Variants in DENND1A observed in about 807,000 individuals in gnomAD.
DENND1A encodes the protein DENN domain-containing protein 1A.
A neutral mutation model predicts 113.7 loss-of-function variants in DENND1A; 51 were observed. That is an observed-to-expected ratio of 0.45 (90% CI 0.36 to 0.57). The LOEUF (loss-of-function observed/expected upper bound fraction) is 0.57. DENND1A is among the 20% of genes least tolerant of loss of function. The probability of loss-of-function intolerance (pLI) is 0.00; values close to 1 mark genes in which losing one functional copy is unlikely to be tolerated. For synonymous variants in DENND1A, 565 were observed against 570.8 expected (o/e 0.99, Z 0.14); for missense variants, 1,258 against 1,395.9 (o/e 0.90, Z 1.57).
rs2042243594 is a variant in DENND1A, at chr9:123,381,024, C to T, written c.*408G>A. On this transcript the variant is annotated 3_prime_UTR_variant, in exon 24 of 24. Coordinates refer to ENST00000394215, the MANE Select transcript of DENND1A (RefSeq NM_001352964.2). This position sits in a 1 kb window ranked among gnomAD's most constrained non-coding sequence, Gnocchi z 4.7. ...ACCTGTGTCCGAGGAGGTGGGCGTG[C>T]AGGGCCTGGCTGTGGAGGAGACAGG... 4.8e-6 allele frequency: 1 copy of T among 207,496 alleles called. No homozygotes were observed. The highest frequency in any genetic ancestry group is 9.7e-6 in the Non-Finnish European group (1 of 102,834). 12.9% of individuals were successfully genotyped at this position (207,496 alleles called of 1,614,324 possible). A position where few individuals can be genotyped will look rare whatever the true frequency, so the allele number is the denominator to read the frequency against.
rs548759979 is a variant in DENND1A at position 123,854,400 on chromosome 9, A to C, written c.88+24551T>G. On this transcript the variant is annotated intron_variant, in intron 2 of 23. Coordinates refer to ENST00000394215, the MANE Select transcript of DENND1A (RefSeq NM_001352964.2). ...GACCCAGAAAGCAAAGTAAAACAAA[A>C]AAATAAAAAATGAAGCTGGGCACGG... 3.3e-5 allele frequency among the ~76,000 whole-genome samples: 5 copies of C among 152,336 alleles called. 1 individual carries two copies. The South Asian group carries it at 1.0e-3, about 32-fold the overall frequency.
intron 18 of DENND1A, among the ~76,000 whole-genome samples, chr9:123,441,575 C>CT (rs1410381650): frequency 6.6e-6 from 1 of 152,194 alleles, no homozygotes; most frequent in Non-Finnish European, 1.5e-5. Context: ...GCTCCGGTGG[C>CT]TGAAGCTGGC....
At chr9:123,685,971 G>T (rs1465611895) in intron 5 of DENND1A, among the ~76,000 whole-genome samples, 1 of 150,738 alleles carries the variant, frequency 6.6e-6, no homozygotes, top group African/African-American at 2.4e-5. Flanking sequence ...AGCTTTCATA[G>T]CCTAGGAAAT....
intron 5 of DENND1A, among the ~76,000 whole-genome samples, chr9:123,752,747 C>T (rs564278472): frequency 6.6e-6 from 1 of 152,276 alleles, no homozygotes; most frequent in South Asian, 2.1e-4. Context: ...TTCTAGGTCA[C>T]TTTGTTTTAT....
intron 19 of DENND1A, among the ~76,000 whole-genome samples, chr9:123,415,474 G>A (rs1043130540): frequency 1.3e-5 from 2 of 152,172 alleles, no homozygotes; most frequent in African/African-American, 4.8e-5. Flanking sequence ...CTAATTATCA[G>A]GATGCCCTGC....
intron 10 of DENND1A, among the ~76,000 whole-genome samples, chr9:123,614,597 A>C (rs940880092): frequency 2.6e-5 from 4 of 152,188 alleles, no homozygotes; most frequent in African/African-American, 9.7e-5. Context: ...TGCTTAAAAA[A>C]AAAAAAAATA....
Position 123,774,234 on chromosome 9 carries a change from G to A in DENND1A, c.133-4671C>T, listed in dbSNP as rs1440889132. Among the ~76,000 whole-genome samples the A allele has an allele frequency of 3.3e-5, 5 of 152,112 alleles. No homozygotes were observed. In the East Asian group the frequency reaches 9.6e-4, roughly 29 times the overall value. On this transcript the variant is annotated intron_variant, in intron 3 of 23. Transcript: ENST00000394215. The stretch of plus-strand genomic sequence containing the variant: ...TGCCACTGACTTGAAAGAAAAGCCT[G>A]ATTGACGATCTTAAAACTCAAGTTG...
At chr9:123,813,074 C>G (rs1836889200) in intron 2 of DENND1A, among the ~76,000 whole-genome samples, 1 of 152,114 alleles carries the variant, frequency 6.6e-6, no homozygotes, top group African/African-American at 2.4e-5. Context: ...CTCAGCCTCT[C>G]CAGTAGCTGG....
chr9:123,704,440 A>T (rs1426072605), intron 5 of DENND1A, among the ~76,000 whole-genome samples: 1 of 152,228 alleles, frequency 6.6e-6, no homozygotes, highest in Non-Finnish European at 1.5e-5. Flanking sequence ...ATCTCCAGTG[A>T]CACGTCTAAC....
At chr9:123,403,188 C>T (rs148717482) in intron 21 of DENND1A, among the ~76,000 whole-genome samples, 160 of 152,336 alleles carry the variant, frequency 1.1e-3, no homozygotes, top group African/African-American at 3.7e-3. Flanking sequence ...AGCCCAAGTG[C>T]CCGGCTCCCT....
At chr9:123,789,091 T>C (rs1476917177) in intron 3 of DENND1A, among the ~76,000 whole-genome samples, 1 of 151,230 alleles carries the variant, frequency 6.6e-6, no homozygotes, top group East Asian at 1.9e-4. Flanking sequence ...AAAAAAAATA[T>C]AGGCAACGCA....
At chr9:123,598,198 G>A (rs895625399) in intron 11 of DENND1A, among the ~76,000 whole-genome samples, 1 of 152,002 alleles carries the variant, frequency 6.6e-6, no homozygotes, top group African/African-American at 2.4e-5. Flanking sequence ...TGACTCTCCC[G>A]GTGCTTATCA....
chr9:123,494,981 G>A (rs980247923), intron 13 of DENND1A, among the ~76,000 whole-genome samples: 6 of 151,996 alleles, frequency 3.9e-5, no homozygotes, highest in Admixed American at 6.6e-5. Flanking sequence ...TAGTAGAGAC[G>A]GGGTTTTGCC....
At chr9:123,573,957 T>C (rs139628346) in intron 12 of DENND1A, among the ~76,000 whole-genome samples, 1,588 of 152,168 alleles carry the variant, frequency 0.01, 24 homozygotes, top group Non-Finnish European at 0.016. Context: ...TTATCATGAA[T>C]ATTGCCGAAT....
chr9:123,871,516 T>A (rs961767364), intron 2 of DENND1A, among the ~76,000 whole-genome samples: 1 of 152,236 alleles, frequency 6.6e-6, no homozygotes, highest in Non-Finnish European at 1.5e-5. Context: ...AACTTCAGAA[T>A]AACAAATCTG....
At chr9:123,497,962 T>C (rs530455399) in intron 13 of DENND1A, among the ~76,000 whole-genome samples, 1 of 152,136 alleles carries the variant, frequency 6.6e-6, no homozygotes, top group African/African-American at 2.4e-5. Context: ...GAGAGAAAGG[T>C]TGTAATTACT....
chr9:123,711,513 G>GTGTATATATATACA (rs1369120234), intron 5 of DENND1A, among the ~76,000 whole-genome samples: 4 of 121,008 alleles, frequency 3.3e-5, no homozygotes, highest in African/African-American at 1.3e-4. Flanking sequence ...ATGTATATAT[G>GTGTATATATATACA]TATATATATA....
intron 10 of DENND1A, among the ~76,000 whole-genome samples, chr9:123,618,603 G>T (rs757022810): frequency 2.6e-5 from 4 of 152,212 alleles, no homozygotes; most frequent in African/African-American, 9.6e-5. Context: ...AGGCTCAGAG[G>T]CAGATACAGT....
At chr9:123,384,683 C>T (rs1251829651) in intron 22 of DENND1A, among the ~76,000 whole-genome samples, 2 of 152,196 alleles carry the variant, frequency 1.3e-5, no homozygotes, top group African/African-American at 4.8e-5. Flanking sequence ...CACGGTGGCT[C>T]ACGCCTGTAA....
Sources: allele counts gnomAD v4.1 joint callset (sites outside exome capture counted in the v4.1 genomes callset), GRCh38; gene constraint gnomAD v4.1.1; non-coding constraint Gnocchi (gnomAD v3.1); transcripts MANE v1.5; gene names NCBI Gene and HGNC (gene_info 2026-07-23, HGNC 2026-07-21).